Variants in VRK2 observed in about 807,000 individuals in gnomAD.
The protein encoded by VRK2 is VRK serine/threonine kinase 2.
Under a neutral mutation model 57.6 loss-of-function variants are expected in VRK2, and 60 were observed. The ratio of observed to expected loss-of-function variants is 1.04; its 90% CI spans 0.85 to 1.29. VRK2 has a LOEUF of 1.29. Ranked by LOEUF, VRK2 falls within the 50% of genes most tolerant of loss-of-function variation. The pLI is 0.00. For synonymous variants in VRK2, 231 were observed against 199.2 expected (o/e 1.16, Z -1.35); for missense variants, 705 against 588.1 (o/e 1.20, Z -2.06).
chr2:58,046,914 C>CT, intron 1 of VRK2, 46 bp downstream of exon 1: 1 of 985,528 alleles, frequency 1.0e-6, no homozygotes, highest in Non-Finnish European at 1.2e-6. Flanking sequence ...GGCACCTCCG[C>CT]TTGCAGTGCC....
At chr2:58,069,960 TC>T (rs1393645612) in intron 2 of VRK2, among the ~76,000 whole-genome samples, 1 of 152,122 alleles carries the variant, frequency 6.6e-6, no homozygotes, top group African/African-American at 2.4e-5. Flanking sequence ...TTTCTCATAA[TC>T]TACCTGCTAT....
At chr2:58,088,664 G>T (rs185490024) in intron 6 of VRK2, among the ~76,000 whole-genome samples, 2 of 152,288 alleles carry the variant, frequency 1.3e-5, no homozygotes, top group South Asian at 2.1e-4. Context: ...TTAGGCTTTG[G>T]TTCTCCAGTC....
In VRK2 at chr2:58,114,562, C is replaced by G. The variant is rs556959057; in HGVS notation, c.544-8539C>G. ...GAGGACAGGCCTGAATTCTGAGAAGCGAAAGTGGTAAAAGTATTGTCCAGT... is the reference window on the plus strand; with the variant it reads ...GAGGACAGGCCTGAATTCTGAGAAGGGAAAGTGGTAAAAGTATTGTCCAGT... On this transcript the variant is annotated intron_variant, in intron 7 of 12. Coordinates refer to ENST00000340157, the MANE Select transcript of VRK2 (RefSeq NM_006296.7). Among the ~76,000 whole-genome samples, 28 of 142,892 alleles carry G rather than the reference C, an allele frequency of 2.0e-4. 1 individual carries two copies. The East Asian group carries it at 5.3e-3, about 27-fold the overall frequency. The allele number at this position is 142,892 out of a possible 152,430, so 93.7% of individuals were successfully genotyped here. A position where few individuals can be genotyped will look rare whatever the true frequency, so the allele number is the denominator to read the frequency against.
chr2:58,069,533 T>C (rs998664603), intron 2 of VRK2, among the ~76,000 whole-genome samples: 2 of 152,120 alleles, frequency 1.3e-5, no homozygotes, highest in Non-Finnish European at 2.9e-5. Flanking sequence ...CATGCACCTG[T>C]GTCTGCGGAA....
chr2:57,910,502 T>A (rs955829793), intron 1 of VRK2, among the ~76,000 whole-genome samples: 3 of 152,200 alleles, frequency 2.0e-5, no homozygotes, highest in Non-Finnish European at 4.4e-5. Flanking sequence ...AAATGGATCA[T>A]GACAAGCCTG....
chr2:58,125,770 A>G (rs1325461991), intron 8 of VRK2, among the ~76,000 whole-genome samples: 2 of 152,106 alleles, frequency 1.3e-5, no homozygotes, highest in African/African-American at 4.8e-5. Context: ...ACATATATAC[A>G]CACATATATA....
chr2:58,020,347 A>G (rs1056170001), intron 1 of VRK2, among the ~76,000 whole-genome samples: 2 of 152,168 alleles, frequency 1.3e-5, no homozygotes, highest in African/African-American at 4.8e-5. Context: ...CTCTGACTAC[A>G]GGTGTGTACC....
At chr2:57,939,786 T>C (rs1027592619) in intron 1 of VRK2, among the ~76,000 whole-genome samples, 1 of 152,182 alleles carries the variant, frequency 6.6e-6, no homozygotes, top group African/African-American at 2.4e-5. Flanking sequence ...TTGCTTGAAA[T>C]TAGGTAGAAC....
intron 1 of VRK2, among the ~76,000 whole-genome samples, chr2:57,933,040 GAT>G (rs1670782044): frequency 6.6e-6 from 1 of 151,882 alleles, no homozygotes; most frequent in African/African-American, 2.4e-5. Flanking sequence ...AAAGATCCTT[GAT>G]ATGGTTTCAG....
chr2:57,999,378 A>C (rs1260037309), intron 1 of VRK2, among the ~76,000 whole-genome samples: 1 of 152,196 alleles, frequency 6.6e-6, no homozygotes, highest in African/African-American at 2.4e-5. Flanking sequence ...ACATATCAAA[A>C]ACTGTAAAAT....
chr2:57,989,046 C>G (rs1021080928), intron 1 of VRK2, among the ~76,000 whole-genome samples: 2 of 152,272 alleles, frequency 1.3e-5, no homozygotes, highest in East Asian at 3.9e-4. Context: ...CCTATTCCCA[C>G]TTTCCTGAAC....
chr2:58,119,365 C>T (rs893732954), intron 7 of VRK2, among the ~76,000 whole-genome samples: 1 of 149,694 alleles, frequency 6.7e-6, no homozygotes, highest in Non-Finnish European at 1.5e-5. Flanking sequence ...AAAAATTAGC[C>T]AGGCATGGGG....
intron 12 of VRK2, among the ~76,000 whole-genome samples, chr2:58,151,150 C>T (rs1338650381): frequency 6.6e-6 from 1 of 151,652 alleles, no homozygotes; most frequent in African/African-American, 2.4e-5. Context: ...CTCGTTTTAT[C>T]ATTTAATGAC....
chr2:58,051,562 A>G (rs1675750283), intron 2 of VRK2, among the ~76,000 whole-genome samples: 1 of 152,150 alleles, frequency 6.6e-6, no homozygotes, highest in African/African-American at 2.4e-5. Context: ...TAAAATTCAA[A>G]TTTTCCTGAA....
At chr2:58,117,698 A>G (rs990899816) in intron 7 of VRK2, among the ~76,000 whole-genome samples, 1 of 152,154 alleles carries the variant, frequency 6.6e-6, no homozygotes, top group African/African-American at 2.4e-5. Context: ...AAAAATTGAA[A>G]GTGCCATTTT....
At chr2:58,055,892 A>G (rs1006568035) in intron 2 of VRK2, among the ~76,000 whole-genome samples, 4 of 152,220 alleles carry the variant, frequency 2.6e-5, no homozygotes, top group Admixed American at 6.5e-5. Context: ...TTTTCTATCA[A>G]TAAAAACTTA....
chr2:58,158,168 G>GTT (rs764086008), intron 12 of VRK2, among the ~76,000 whole-genome samples: 17 of 131,900 alleles, frequency 1.3e-4, no homozygotes, highest in Non-Finnish European at 2.4e-4. Flanking sequence ...TGTAAATGCT[G>GTT]CTCTATGATT....
chr2:57,983,130 A>C (rs1672483977), intron 1 of VRK2, among the ~76,000 whole-genome samples: 1 of 151,642 alleles, frequency 6.6e-6, no homozygotes, highest in South Asian at 2.1e-4. Context: ...TCCACTCTCA[A>C]CGCCTTCTTT....
rs79839618 is a variant in VRK2, at chr2:58,004,783, C to T, written c.-438-20882C>T. Among the ~76,000 whole-genome samples, 654 of 152,106 alleles carry T rather than the reference C, an allele frequency of 4.3e-3. 7 individuals carry two copies. The highest frequency in any genetic ancestry group is 0.015 in the African/African-American group (621 of 41,520). ...ATCTGAGTACTTTCAATAAAACAGG[C>T]AAATAGGATAAATGTATTGTTTAGT... On this transcript the variant is annotated intron_variant, in intron 1 of 15. Coordinates refer to the VRK2 transcript ENST00000417641.
Sources: allele counts gnomAD v4.1 joint callset (sites outside exome capture counted in the v4.1 genomes callset), GRCh38; gene constraint gnomAD v4.1.1; transcripts MANE v1.5; gene names NCBI Gene and HGNC (gene_info 2026-07-23, HGNC 2026-07-21).